DGKB: variants seen among roughly 807,000 people sequenced by gnomAD.
DGKB encodes the protein diacylglycerol kinase beta, also known as 90 kDa diacylglycerol kinase.
Under a neutral mutation model 114.3 loss-of-function variants are expected in DGKB, and 67 were observed. The observed-to-expected ratio is 0.59, with a 90% CI of 0.48 to 0.72. DGKB has a LOEUF of 0.72. DGKB is among the 30% of genes least tolerant of loss of function. DGKB has a pLI of 0.00. For missense variants in DGKB, 907 were observed against 975.2 expected, an observed-to-expected ratio of 0.93 and a Z score of 0.93; for synonymous variants, 398 against 323.1, an observed-to-expected ratio of 1.23 and a Z score of -2.49.
intron 8 of DGKB, among the ~76,000 whole-genome samples, chr7:14,694,659 A>G (rs1366788221): frequency 6.6e-6 from 1 of 152,206 alleles, no homozygotes; most frequent in Non-Finnish European, 1.5e-5. Context: ...AAGTTAAAGG[A>G]TCAAATCAAG....
At chr7:14,690,909 C>G (rs1468593472) in intron 9 of DGKB, among the ~76,000 whole-genome samples, 5 of 152,110 alleles carry the variant, frequency 3.3e-5, no homozygotes, top group African/African-American at 1.2e-4. Flanking sequence ...CAAAGCCATC[C>G]AAATTCTCAA....
intron 20 of DGKB, among the ~76,000 whole-genome samples, chr7:14,519,883 A>G (rs1385217260): frequency 2.0e-5 from 3 of 152,022 alleles, no homozygotes; most frequent in South Asian, 4.1e-4. Flanking sequence ...TAATTAGTCT[A>G]CTTTTTAAAT....
At chr7:14,331,251 T>A (rs1809663751) in intron 23 of DGKB, among the ~76,000 whole-genome samples, 1 of 152,060 alleles carries the variant, frequency 6.6e-6, no homozygotes, top group Admixed American at 6.6e-5. Context: ...TATATTTTTG[T>A]GAAATGCAAC....
chr7:14,465,952 C>T (rs1023515610), intron 21 of DGKB, among the ~76,000 whole-genome samples: 1 of 151,794 alleles, frequency 6.6e-6, no homozygotes, highest in Non-Finnish European at 1.5e-5. Context: ...CATTATCCAT[C>T]GGATTTGCAT....
chr7:14,216,132 A>G (rs1302068832), intron 23 of DGKB, among the ~76,000 whole-genome samples: 1 of 152,200 alleles, frequency 6.6e-6, no homozygotes, highest in East Asian at 1.9e-4. Context: ...GTAAAATATA[A>G]CAAATGCCAT....
intron 15 of DGKB, among the ~76,000 whole-genome samples, chr7:14,614,453 GT>G (rs1806165721): frequency 6.6e-6 from 1 of 152,086 alleles, no homozygotes; most frequent in Non-Finnish European, 1.5e-5. Flanking sequence ...AAGTTGAACA[GT>G]TTTGGATCAA....
At chr7:14,855,976 T>A (rs1363221122) in intron 1 of DGKB, among the ~76,000 whole-genome samples, 3 of 131,342 alleles carry the variant, frequency 2.3e-5, no homozygotes, top group Non-Finnish European at 4.7e-5. Flanking sequence ...ATATGCTAAT[T>A]TAGATAATGT....
At chr7:14,462,894 A>T (rs1313882242) in intron 21 of DGKB, among the ~76,000 whole-genome samples, 1 of 152,210 alleles carries the variant, frequency 6.6e-6, no homozygotes, top group Non-Finnish European at 1.5e-5. Context: ...CAAAACAGAT[A>T]TATAAACCAA....
chr7:14,400,656 G>A (rs757761003), intron 21 of DGKB, among the ~76,000 whole-genome samples: 11 of 151,230 alleles, frequency 7.3e-5, no homozygotes, highest in Non-Finnish European at 7.4e-5. Flanking sequence ...TGCGTTTTAT[G>A]TAATGCAGCT....
At chr7:14,194,521 A>T (rs982959547) in intron 23 of DGKB, among the ~76,000 whole-genome samples, 87 of 152,274 alleles carry the variant, frequency 5.7e-4, no homozygotes, top group African/African-American at 2.0e-3. Context: ...TATAACAAGA[A>T]GATAAGAATC....
chr7:14,269,067 T>A (rs1584836607), intron 23 of DGKB: 2 of 152,182 alleles, frequency 1.3e-5, no homozygotes, highest in African/African-American at 4.8e-5. Context: ...TGATGGCTCA[T>A]TTGCGTGGCT....
At chr7:14,968,744 G>A (rs1226887924) in intron 1 of DGKB, among the ~76,000 whole-genome samples, 4 of 152,120 alleles carry the variant, frequency 2.6e-5, no homozygotes, top group African/African-American at 4.8e-5. Context: ...CAAAATGGAA[G>A]CAAAATGTGA....
chr7:14,281,849 C>T (rs201564973), intron 23 of DGKB, among the ~76,000 whole-genome samples: 1,991 of 144,672 alleles, frequency 0.014, 82 homozygotes, highest in East Asian at 0.11. Context: ...ATCTCTGGGA[C>T]GCATTCAAAG....
At chr7:14,869,277 T>C (rs973256828) in intron 1 of DGKB, among the ~76,000 whole-genome samples, 3 of 152,210 alleles carry the variant, frequency 2.0e-5, no homozygotes, top group Non-Finnish European at 4.4e-5. Context: ...CCTTGCCTTT[T>C]ACTTCACATT....
At chr7:14,448,511 T>C (rs1278583294) in intron 21 of DGKB, among the ~76,000 whole-genome samples, 2 of 152,108 alleles carry the variant, frequency 1.3e-5, no homozygotes, top group African/African-American at 4.8e-5. Flanking sequence ...AGACCTTGAA[T>C]GTCTGGCTAA....
intron 21 of DGKB, among the ~76,000 whole-genome samples, chr7:14,451,845 G>A (rs541614313): frequency 3.3e-5 from 5 of 152,098 alleles, no homozygotes; most frequent in African/African-American, 7.2e-5. Flanking sequence ...TACTTCACCA[G>A]TAAGAGTGGC....
At chr7:14,230,234 C>T (rs1791504604) in intron 23 of DGKB, among the ~76,000 whole-genome samples, 1 of 152,006 alleles carries the variant, frequency 6.6e-6, no homozygotes, top group South Asian at 2.1e-4. Flanking sequence ...GGCAAATACA[C>T]ACAATTCAAA....
chr7:14,565,375 G>C (rs1314806603), intron 20 of DGKB, among the ~76,000 whole-genome samples: 1 of 152,188 alleles, frequency 6.6e-6, no homozygotes, highest in African/African-American at 2.4e-5. Flanking sequence ...ACACAGACTT[G>C]TGAATAATAA....
chr7:14,666,417 G>GA (rs574587832), intron 13 of DGKB, among the ~76,000 whole-genome samples: 51 of 152,068 alleles, frequency 3.4e-4, no homozygotes, highest in African/African-American at 1.2e-3. Context: ...GCTTGCATAT[G>GA]GCCTCATTAG....
Sources: allele counts gnomAD v4.1 joint callset (sites outside exome capture counted in the v4.1 genomes callset), GRCh38; gene constraint gnomAD v4.1.1; transcripts MANE v1.5; gene names NCBI Gene and HGNC (gene_info 2026-07-23, HGNC 2026-07-21).